PRDM4: variants seen among roughly 807,000 people sequenced by gnomAD.
PRDM4 encodes the protein PR domain zinc finger protein 4.
A neutral mutation model predicts 62.3 loss-of-function variants in PRDM4; 38 were observed. That is an observed-to-expected ratio of 0.61 (90% CI 0.47 to 0.80). The LOEUF is 0.80. Among genes scored for constraint, PRDM4 ranks in the 30% least tolerant of loss-of-function variants. PRDM4 has a pLI of 0.00. For missense variants in PRDM4, 858 were observed against 997.1 expected (o/e 0.86, Z 1.88); for synonymous variants, 339 against 348.2 (o/e 0.97, Z 0.30).
intron 4 of PRDM4, among the ~76,000 whole-genome samples, chr12:107,752,863 G>A (rs529405016): frequency 2.0e-5 from 3 of 152,042 alleles, no homozygotes; most frequent in Non-Finnish European, 4.4e-5. Flanking sequence ...ACATAAAGAC[G>A]TTCATAAGAG....
At chr12:107,737,459 G>A (rs368391828) in intron 11 of PRDM4, among the ~76,000 whole-genome samples, 2 of 152,062 alleles carry the variant, frequency 1.3e-5, no homozygotes, top group East Asian at 3.9e-4. Flanking sequence ...TGAAAGTTTG[G>A]CAAAGAGGCT....
chr12:107,758,130 C>T (rs1309991560), intron 2 of PRDM4: 1 of 151,574 alleles, frequency 6.6e-6, no homozygotes, highest in African/African-American at 2.4e-5. Context: ...ATGGCAATGC[C>T]ATTTTATCAA....
At chr12:107,743,552 CA>C (rs897358010) in intron 7 of PRDM4, among the ~76,000 whole-genome samples, 1 of 152,130 alleles carries the variant, frequency 6.6e-6, no homozygotes, top group African/African-American at 2.4e-5. Flanking sequence ...CTGGAAAAGA[CA>C]AAAAACCAGT....
intron 6 of PRDM4, among the ~76,000 whole-genome samples, chr12:107,746,000 T>C (rs1349920253): frequency 6.6e-6 from 1 of 152,226 alleles, no homozygotes; most frequent in African/African-American, 2.4e-5. Flanking sequence ...ATGAGACAGA[T>C]GAGAATAAAA....
Position 107,734,156 on chromosome 12 carries a change from T to A in PRDM4, c.*54A>T. 6.7e-7 allele frequency: 1 copy of A among 1,500,914 alleles called. No homozygotes were observed. Among genetic ancestry groups the A allele is most frequent in the Non-Finnish European group, 9.0e-7 (1 of 1,112,892 alleles). The allele number at this position is 1,500,914 out of a possible 1,614,324, so 93.0% of individuals were successfully genotyped here. A position where few individuals can be genotyped will look rare whatever the true frequency, so the allele number is the denominator to read the frequency against. ...AAAACCATTATAGTAGATAACTGGTTATGTGTATTTTTCCATTTGCATTTT... is the reference window on the plus strand; with the variant it reads ...AAAACCATTATAGTAGATAACTGGTAATGTGTATTTTTCCATTTGCATTTT... On this transcript the variant is annotated 3_prime_UTR_variant, in exon 12 of 12. Coordinates refer to ENST00000228437, the MANE Select transcript of PRDM4 (RefSeq NM_012406.4).
intron 2 of PRDM4, among the ~76,000 whole-genome samples, chr12:107,758,556 T>G (rs1891133830): frequency 6.6e-6 from 1 of 152,130 alleles, no homozygotes; most frequent in African/African-American, 2.4e-5. Flanking sequence ...ACATAACCAG[T>G]AAGGAGAGCT....
At chr12:107,737,171 T>C (rs1224515659) in intron 11 of PRDM4, among the ~76,000 whole-genome samples, 2 of 151,776 alleles carry the variant, frequency 1.3e-5, no homozygotes, top group Admixed American at 6.6e-5. Context: ...TCACCACCCT[T>C]CCACTCTCGG....
rs1301329108 is a variant in PRDM4, at chr12:107,760,973, G to A, written c.-273C>T. On this transcript the variant is annotated 5_prime_UTR_variant, in exon 1 of 12. Coordinates refer to ENST00000228437, the MANE Select transcript of PRDM4 (RefSeq NM_012406.4). ...GCAGCCCACCTGCCAGCTGCGCTGGGGGCGCACGCGCCTGCCCCACTGCTT... is the reference window on the plus strand; with the variant it reads ...GCAGCCCACCTGCCAGCTGCGCTGGAGGCGCACGCGCCTGCCCCACTGCTT... The A allele has an allele frequency of 6.7e-6, 1 of 148,786 alleles. No homozygotes were observed. The highest frequency in any genetic ancestry group is 2.4e-5 in the African/African-American group (1 of 40,890). 9.2% of individuals were successfully genotyped at this position (148,786 alleles called of 1,614,324 possible).
intron 11 of PRDM4, among the ~76,000 whole-genome samples, chr12:107,738,892 C>T (rs1890423850): frequency 1.3e-5 from 2 of 150,222 alleles, no homozygotes; most frequent in Admixed American, 1.3e-4. Flanking sequence ...CACACACACA[C>T]ACACACACAC....
rs1890221748 is a variant in PRDM4 at position 107,733,024 on chromosome 12, T to C, written c.*1186A>G. Reference sequence around the variant, plus strand: ...GCCTTGAGCAGGAGAGCATGTTCCATCAATCCTGTCAACTTAAGGGTGGGT... The same window carrying C: ...GCCTTGAGCAGGAGAGCATGTTCCACCAATCCTGTCAACTTAAGGGTGGGT... On this transcript the variant is annotated 3_prime_UTR_variant, in exon 12 of 12. Transcript: ENST00000228437. The C allele has an allele frequency of 6.6e-6, 1 of 152,660 alleles. No homozygotes were observed. 9.5% of individuals were successfully genotyped at this position (152,660 alleles called of 1,614,324 possible). A position where few individuals can be genotyped will look rare whatever the true frequency, so the allele number is the denominator to read the frequency against.
intron 4 of PRDM4, among the ~76,000 whole-genome samples, chr12:107,752,941 A>G (rs1266191338): frequency 1.3e-5 from 2 of 152,276 alleles, no homozygotes. Flanking sequence ...ATAAACCATC[A>G]AATACCCATT....
rs748301138 is a variant in PRDM4 at position 107,743,272 on chromosome 12, T to G, written c.1406A>C (p.Asn469Thr). ...AVNHIWKIYH[N>T]GVLEFCIITT... ...AATGATGCAGAATTCTAGGACACCA[T>G]TGTGGTATATCTGCCAACAGAAAGC... Residue 469 changes from asparagine to threonine, a missense_variant, in exon 8 of 12, where the codon AAT (asparagine) becomes ACT (threonine). Transcript: ENST00000228437. 6.2e-7 allele frequency: 1 copy of G among 1,610,850 alleles called. No individual in the cohort carries two copies. The highest frequency in any genetic ancestry group is 1.3e-5 in the African/African-American group (1 of 74,882).
In PRDM4 at chr12:107,760,546, C is replaced by G. The variant is rs748232407; in HGVS notation, c.-31G>C. The G allele has an allele frequency of 6.2e-7, 1 of 1,612,130 alleles. No individual in the cohort carries two copies. Among genetic ancestry groups the G allele is most frequent in the African/African-American group, 1.3e-5 (1 of 74,846 alleles). ...TGGGGCCAAATATCAGAGAAAGGAG[C>G]GCTCGGGTGGTGGGGAACAGGCATC... On this transcript the variant is annotated 5_prime_UTR_variant, in exon 2 of 12. Transcript: ENST00000228437.
At chr12:107,746,172 T>C (rs759690188) in intron 6 of PRDM4, 103 bp downstream of exon 6, 1 of 1,401,286 alleles carries the variant, frequency 7.1e-7, no homozygotes, top group East Asian at 2.3e-5. Flanking sequence ...ATAAATTGAC[T>C]TTTGGTCCAA....
chr12:107,753,933 T>C lies in PRDM4; in HGVS notation c.322A>G (p.Ile108Val), dbSNP rs1224899422. ...PHLESSYFRT[I>V]LPGILSYLAD... ...TAACTGTAACACTTACCAGGTAGAA[T>C]GGTTCTGAAATAACTGCTCTCCAGG... The change falls in exon 4 of 12, where the codon ATT becomes GTT. Residue 108 changes from isoleucine (I) to valine (V), a missense_variant. Around this residue, in one of 3 missense-constraint regions of PRDM4, gnomAD observed 499 missense variants for 546.7 expected, o/e 0.91. Transcript: ENST00000228437. The C allele has an allele frequency of 1.2e-6, 2 of 1,612,908 alleles. No homozygotes were observed. The highest frequency in any genetic ancestry group is 2.7e-5 in the African/African-American group (2 of 74,900).
In PRDM4 at chr12:107,751,443, C is replaced by T. The variant is rs756254016; in HGVS notation, c.1098G>A (p.Lys366=). Residue 366 remains lysine, a synonymous_variant, in exon 5 of 12, where the codon AAG becomes AAA. Transcript: ENST00000228437. ...TTGTAAACAAGGTTGCCATGTTCTCCTTGTTTGAATTGGAGTCTTCCATTT... is the reference window on the plus strand; with the variant it reads ...TTGTAAACAAGGTTGCCATGTTCTCTTTGTTTGAATTGGAGTCTTCCATTT... ...SLQMEDSNSN[K]ENMATLFTIW... The T allele has an allele frequency of 6.2e-7, 1 of 1,607,980 alleles. No homozygotes were observed. Among genetic ancestry groups the T allele is most frequent in the Non-Finnish European group, 8.5e-7 (1 of 1,174,804 alleles).
intron 8 of PRDM4, chr12:107,742,713 G>A (rs1205903705): frequency 4.2e-6 from 1 of 239,094 alleles, no homozygotes; most frequent in Non-Finnish European, 8.0e-6. Flanking sequence ...ATAAAGAAAA[G>A]GCACCCACTT....
At chr12:107,746,191 T>G in intron 6 of PRDM4, 84 bp downstream of exon 6, 1 of 1,496,188 alleles carries the variant, frequency 6.7e-7, no homozygotes. Flanking sequence ...AAATAATTAC[T>G]AAATTATACA....
chr12:107,739,306 T>G, intron 11 of PRDM4, 77 bp downstream of exon 11: 11 of 1,513,750 alleles, frequency 7.3e-6, no homozygotes, highest in Non-Finnish European at 9.9e-6. Flanking sequence ...TCCCCAGCCC[T>G]TCAATCAGCA....
Sources: allele counts gnomAD v4.1 joint callset (sites outside exome capture counted in the v4.1 genomes callset), GRCh38; gene constraint gnomAD v4.1.1; regional missense constraint gnomAD v4.1.1; transcripts MANE v1.5; gene names NCBI Gene and HGNC (gene_info 2026-07-23, HGNC 2026-07-21).